Variants in MAP3K1 observed in about 807,000 individuals in gnomAD.
MAP3K1 encodes the protein mitogen-activated protein kinase kinase kinase 1.
A neutral mutation model predicts 144.2 loss-of-function variants in MAP3K1; 36 were observed. The ratio of observed to expected loss-of-function variants is 0.25; its 90% CI spans 0.19 to 0.33. MAP3K1 has a LOEUF of 0.33. Among genes scored for constraint, MAP3K1 ranks in the 10% least tolerant of loss-of-function variants. The pLI is 1.00. For missense variants in MAP3K1, 1,650 were observed against 1,881.9 expected, an observed-to-expected ratio of 0.88 and a Z score of 2.28; for synonymous variants, 718 against 688.7, an observed-to-expected ratio of 1.04 and a Z score of -0.67.
At chr5:56,818,736 T>A (rs936808469) in intron 1 of MAP3K1, among the ~76,000 whole-genome samples, 1 of 152,202 alleles carries the variant, frequency 6.6e-6, no homozygotes, top group Non-Finnish European at 1.5e-5. Context: ...GTAGATATAA[T>A]TACCCCATCC....
rs1036313134 is a variant in MAP3K1 at position 56,894,007 on chromosome 5, G to A, written c.*327G>A. Reference sequence around the variant, plus strand: ...GGAGCACTTTTTCAGCAATATTAGCGGCTGAGGGGCTCAGGATCTATTTTA... The same window carrying A: ...GGAGCACTTTTTCAGCAATATTAGCAGCTGAGGGGCTCAGGATCTATTTTA... On this transcript the variant is annotated 3_prime_UTR_variant, in exon 20 of 20. Transcript: ENST00000399503. 55 of 415,400 alleles carry A rather than the reference G, an allele frequency of 1.3e-4. No homozygotes were observed. The highest frequency in any genetic ancestry group is 1.7e-4 in the Non-Finnish European group (39 of 223,166). The allele number at this position is 415,400 out of a possible 1,614,324, so 25.7% of individuals were successfully genotyped here.
At chr5:56,887,710 A>G (rs1748425987) in intron 18 of MAP3K1, 190 bp downstream of exon 18, 1 of 644,234 alleles carries the variant, frequency 1.6e-6, no homozygotes, top group East Asian at 2.8e-5. Context: ...GCAATATTCA[A>G]AAAACAGGTT....
chr5:56,878,011 G>C (rs1481195913), intron 10 of MAP3K1, among the ~76,000 whole-genome samples: 1 of 152,212 alleles, frequency 6.6e-6, no homozygotes, highest in Non-Finnish European at 1.5e-5. Flanking sequence ...AGAGGTGACA[G>C]GCCTTTCTTA....
intron 1 of MAP3K1, among the ~76,000 whole-genome samples, chr5:56,846,793 A>G (rs1018071222): frequency 2.0e-5 from 3 of 152,174 alleles, no homozygotes; most frequent in African/African-American, 7.2e-5. Context: ...CAAAGTGTAC[A>G]TATTTAGTTT....
intron 1 of MAP3K1, among the ~76,000 whole-genome samples, chr5:56,851,241 C>T (rs1405844478): frequency 3.3e-5 from 5 of 152,174 alleles, no homozygotes; most frequent in Non-Finnish European, 5.9e-5. Context: ...CCACCGTGCC[C>T]GGCCAGGATT....
Position 56,895,582 on chromosome 5 carries a change from T to C in MAP3K1, c.*1902T>C, listed in dbSNP as rs1748679863. 8.6e-6 allele frequency: 2 copies of C among 232,232 alleles called. No individual in the cohort carries two copies. The highest frequency in any genetic ancestry group is 8.5e-6 in the Non-Finnish European group (1 of 117,496). The allele number at this position is 232,232 out of a possible 1,614,324, so 14.4% of individuals were successfully genotyped here. On this transcript the variant is annotated 3_prime_UTR_variant, in exon 20 of 20. Coordinates refer to ENST00000399503, the MANE Select transcript of MAP3K1 (RefSeq NM_005921.2). The stretch of plus-strand genomic sequence containing the variant: ...TTTGTAGATCACCATGCCCACCACA[T>C]TTCAAACTCAAACTATCTGTAGATT...
chr5:56,867,262 A>G (rs1419537006), intron 6 of MAP3K1, among the ~76,000 whole-genome samples: 1 of 152,210 alleles, frequency 6.6e-6, no homozygotes, highest in Non-Finnish European at 1.5e-5. Flanking sequence ...TTGCATATCC[A>G]TGGGGGGAAT....
In MAP3K1 at chr5:56,894,902, C is replaced by G. The variant is rs750492363; in HGVS notation, c.*1222C>G. 4.3e-6 allele frequency: 1 copy of G among 232,044 alleles called. No individual in the cohort carries two copies. The highest frequency in any genetic ancestry group is 6.1e-5 in the East Asian group (1 of 16,346). 14.4% of individuals were successfully genotyped at this position (232,044 alleles called of 1,614,324 possible). ...ATACACTAATTCCTTGGATTTTGCA[C>G]AGTTACCTAACGGTTTTAGTCTGGA... On this transcript the variant is annotated 3_prime_UTR_variant, in exon 20 of 20. Transcript: ENST00000399503.
chr5:56,894,380 A>AG lies in MAP3K1; in HGVS notation c.*700_*701insG, dbSNP rs986318630. ...CTTTTTTTCAAACCAGAAAAAAAAA[A>AG]TGAACTAGATATGAAGTAGAGTTCA... On this transcript the variant is annotated 3_prime_UTR_variant, in exon 20 of 20. Transcript: ENST00000399503. 1.4e-4 allele frequency: 33 copies of AG among 232,530 alleles called. No individual in the cohort carries two copies. Among genetic ancestry groups the AG allele is most frequent in the African/African-American group, 7.3e-4 (33 of 45,402 alleles). The allele number at this position is 232,530 out of a possible 1,614,324, so 14.4% of individuals were successfully genotyped here.
In MAP3K1 at chr5:56,895,432, T is replaced by C. The variant is rs1301706402; in HGVS notation, c.*1752T>C. ...AATAAGATTGTTTCCAAGTCTCTCA[T>C]GTGCAAGCTTTAAAGGATGCACTCT... On this transcript the variant is annotated 3_prime_UTR_variant, in exon 20 of 20. Transcript: ENST00000399503. 1 of 230,862 alleles carries C rather than the reference T, an allele frequency of 4.3e-6. No homozygotes were observed. The highest frequency in any genetic ancestry group is 6.1e-5 in the East Asian group (1 of 16,318). The allele number at this position is 230,862 out of a possible 1,614,324, so 14.3% of individuals were successfully genotyped here.
At chr5:56,872,344 A>G (rs1005069897) in intron 7 of MAP3K1, among the ~76,000 whole-genome samples, 2 of 152,234 alleles carry the variant, frequency 1.3e-5, no homozygotes, top group African/African-American at 4.8e-5. Flanking sequence ...AGACCTGGGC[A>G]GGCATTACAG....
chr5:56,859,870 A>G lies in MAP3K1; in HGVS notation c.789A>G (p.Lys263=). The G allele has an allele frequency of 6.2e-7, 1 of 1,613,840 alleles. No homozygotes were observed. Among genetic ancestry groups the G allele is most frequent in the South Asian group, 1.1e-5 (1 of 90,974 alleles). The change falls in exon 3 of 20, where the codon AAA becomes AAG. Residue 263 remains lysine (K), a synonymous_variant. Transcript: ENST00000399503. ...ACTCCCCATCAGGTCGCACAGTGAA[A>G]TCAGAATCTCCAGGAGTAAGGAGAA... ...PGNSPSGRTV[K]SESPGVRRKR...
chr5:56,849,049 C>CTA (rs1247856301), intron 1 of MAP3K1, among the ~76,000 whole-genome samples: 2 of 152,126 alleles, frequency 1.3e-5, no homozygotes, highest in Non-Finnish European at 2.9e-5. Flanking sequence ...ATTCAACATA[C>CTA]TATAAAACTG....
At chr5:56,820,570 A>G (rs964482841) in intron 1 of MAP3K1, 2 of 985,196 alleles carry the variant, frequency 2.0e-6, no homozygotes, top group Non-Finnish European at 2.4e-6. Flanking sequence ...AGGGTTAGTC[A>G]TTAGTGTTGA....
Position 56,815,822 on chromosome 5 carries a change from A to G in MAP3K1, c.249A>G (p.Ser83=), listed in dbSNP as rs1284602674. The G allele has an allele frequency of 3.5e-6, 5 of 1,416,916 alleles. No individual in the cohort carries two copies. The highest frequency in any genetic ancestry group is 3.7e-6 in the Non-Finnish European group (4 of 1,081,776). The allele number at this position is 1,416,916 out of a possible 1,614,324, so 87.8% of individuals were successfully genotyped here. Reference sequence around the variant, plus strand: ...AGCAGCCGCTCTTCCTTGCCGCCTCACCGCCGGCCTCCTCGACTTCCCCGT... The same window carrying G: ...AGCAGCCGCTCTTCCTTGCCGCCTCGCCGCCGGCCTCCTCGACTTCCCCGT... ...LPEQPLFLAA[S]PPASSTSPSP... Residue 83 remains serine, a synonymous_variant, in exon 1 of 20, where the codon TCA becomes TCG. Transcript: ENST00000399503.
chr5:56,891,593 T>A (rs1041044739), intron 19 of MAP3K1, among the ~76,000 whole-genome samples: 1 of 152,214 alleles, frequency 6.6e-6, no homozygotes, highest in Non-Finnish European at 1.5e-5. Flanking sequence ...TTTTGGTGTT[T>A]TAGACATGAA....
intron 1 of MAP3K1, among the ~76,000 whole-genome samples, chr5:56,824,864 A>T (rs79128470): frequency 0.016 from 2,480 of 152,266 alleles, 23 homozygotes; most frequent in Non-Finnish European, 0.023. Context: ...GTCATTTTAT[A>T]CCTTGCAGTT....
chr5:56,878,998 C>T lies in MAP3K1; in HGVS notation c.1984C>T (p.Leu662=). 6.2e-7 allele frequency: 1 copy of T among 1,613,826 alleles called. No individual in the cohort carries two copies. Among genetic ancestry groups the T allele is most frequent in the African/African-American group, 1.3e-5 (1 of 75,020 alleles). The change falls in exon 11 of 20, where the codon CTG becomes TTG. Residue 662 remains leucine, a synonymous_variant. Coordinates refer to ENST00000399503, the MANE Select transcript of MAP3K1 (RefSeq NM_005921.2). ...VAALKTLRAM[L]VYTPCHSLAE... ...TCCTTAGAAAACATTGAGAGCCATG[C>T]TGGTATATACTCCTTGCCACAGTTT...
At position 56,856,637 on chromosome 5, in the gene MAP3K1, C is replaced by T. The variant is rs2111863931; in HGVS notation, c.520C>T (p.His174Tyr). 1 of 1,613,872 alleles carries T rather than the reference C, an allele frequency of 6.2e-7. No homozygotes were observed. The highest frequency in any genetic ancestry group is 1.1e-5 in the South Asian group (1 of 91,090). ...GAATAAAGAAACTCTCAAAGGGTTG[C>T]ACAAGATGGATGATCGTCCAGAGGA... ...MENKETLKGLHKMDDRPEERM... is the reference protein window; with the variant it reads ...MENKETLKGLYKMDDRPEERM... The change falls in exon 2 of 20, where the codon CAC (histidine) becomes TAC (tyrosine). Residue 174 changes from histidine (H) to tyrosine (Y), a missense_variant. His to Tyr is a moderately conservative substitution (Grantham distance 83). Around this residue, in one of 6 missense-constraint regions of MAP3K1, gnomAD observed 360 missense variants for 274.7 expected, o/e 1.31. Transcript: ENST00000399503.
Sources: gnomAD v4.1 joint callset for allele counts (sites outside exome capture counted in the v4.1 genomes callset) on GRCh38, gnomAD v4.1.1 for gene constraint, gnomAD v4.1.1 regional missense constraint, MANE v1.5 for transcripts, NCBI Gene and HGNC (gene_info 2026-07-23, HGNC 2026-07-21) for gene names.